The following RABGAP1L variants were observed in gnomAD, a reference collection of about 807,000 sequenced individuals.
RABGAP1L encodes RAB GTPase activating protein 1 like.
Under a neutral mutation model 137.7 loss-of-function variants are expected in RABGAP1L, and 63 were observed. The ratio of observed to expected loss-of-function variants is 0.46; its 90% CI spans 0.37 to 0.56. The LOEUF (loss-of-function observed/expected upper bound fraction) is 0.56. RABGAP1L is among the 20% of genes least tolerant of loss of function. The pLI is 0.00. For missense variants in RABGAP1L, 1,095 were observed against 1,244.0 expected (o/e 0.88, Z 1.80); for synonymous variants, 431 against 433.7 (o/e 0.99, Z 0.08).
chr1:174,398,471 A>G (rs555731380), intron 13 of RABGAP1L, among the ~76,000 whole-genome samples: 1 of 152,212 alleles, frequency 6.6e-6, no homozygotes, highest in South Asian at 2.1e-4. Context: ...ATTAACATAA[A>G]CTATCAGATG....
intron 17 of RABGAP1L, among the ~76,000 whole-genome samples, chr1:174,740,582 T>A (rs1683307455): frequency 6.6e-6 from 1 of 152,212 alleles, no homozygotes; most frequent in Non-Finnish European, 1.5e-5. Flanking sequence ...TTCTTTTTCT[T>A]TGAGTCGATT....
chr1:174,514,247 CAAAAAAAAAA>C (rs776487855), intron 13 of RABGAP1L, among the ~76,000 whole-genome samples: 5 of 81,066 alleles, frequency 6.2e-5, no homozygotes, highest in African/African-American at 2.2e-4. Context: ...TATTTTAAGC[CAAAAAAAAAA>C]AAAAAAAAAA....
At chr1:174,711,643 T>C (rs946973377) in intron 17 of RABGAP1L, among the ~76,000 whole-genome samples, 1 of 152,142 alleles carries the variant, frequency 6.6e-6, no homozygotes, top group African/African-American at 2.4e-5. Flanking sequence ...TAGGGCAGGG[T>C]TCGGGACCTG....
At chr1:174,300,099 TATC>T (rs1677525828) in intron 10 of RABGAP1L, among the ~76,000 whole-genome samples, 1 of 152,336 alleles carries the variant, frequency 6.6e-6, no homozygotes. Flanking sequence ...GAACATATAT[TATC>T]ATTATTCACA....
At chr1:174,412,197 G>C (rs1169354458) in intron 13 of RABGAP1L, among the ~76,000 whole-genome samples, 1 of 152,024 alleles carries the variant, frequency 6.6e-6, no homozygotes, top group Non-Finnish European at 1.5e-5. Context: ...TTGTTGAATT[G>C]AACTCTTTAT....
chr1:174,276,867 C>A (rs994887564), intron 9 of RABGAP1L, among the ~76,000 whole-genome samples: 3 of 151,354 alleles, frequency 2.0e-5, no homozygotes, highest in African/African-American at 7.3e-5. Context: ...TGTTTTTTGC[C>A]CCTTCATTAT....
chr1:174,547,774 A>G (rs1284626933), intron 13 of RABGAP1L: 3 of 1,318,792 alleles, frequency 2.3e-6, no homozygotes, highest in Non-Finnish European at 3.2e-6. Flanking sequence ...TTGACGTTAG[A>G]TGCATCAGTT....
chr1:174,611,909 T>A (rs922312754), intron 13 of RABGAP1L, among the ~76,000 whole-genome samples: 19 of 152,266 alleles, frequency 1.2e-4, no homozygotes, highest in East Asian at 3.9e-4. Context: ...TTGATTTTGT[T>A]TCCTGAGACT....
At position 174,909,633 on chromosome 1, in the gene RABGAP1L, G is replaced by A. The variant is rs1218381662; in HGVS notation, c.2341-47824G>A. On this transcript the variant is annotated intron_variant, in intron 19 of 25. Coordinates refer to ENST00000681986, the MANE Select transcript of RABGAP1L (RefSeq NM_001366446.1). ...GTGGTTTTTATGGAAAGTTAAAATCGAAACTTTAGCTAGACTGAGAAAAAA... is the reference window on the plus strand; with the variant it reads ...GTGGTTTTTATGGAAAGTTAAAATCAAAACTTTAGCTAGACTGAGAAAAAA... 2.0e-5 allele frequency among the ~76,000 whole-genome samples: 3 copies of A among 152,088 alleles called. No individual in the cohort carries two copies. In the East Asian group the frequency reaches 5.8e-4, roughly 29 times the overall value.
intron 13 of RABGAP1L, among the ~76,000 whole-genome samples, chr1:174,557,573 A>T (rs2148006764): frequency 6.6e-6 from 1 of 152,228 alleles, no homozygotes; most frequent in East Asian, 1.9e-4. Context: ...CATATCAGAG[A>T]CTGTACCTGA....
At chr1:174,293,537 A>G (rs1310157488) in intron 10 of RABGAP1L, among the ~76,000 whole-genome samples, 1 of 152,184 alleles carries the variant, frequency 6.6e-6, no homozygotes, top group Admixed American at 6.5e-5. Flanking sequence ...ATAGGTCATA[A>G]TAACTTTTAC....
intron 17 of RABGAP1L, among the ~76,000 whole-genome samples, chr1:174,745,561 T>C (rs927053465): frequency 6.6e-6 from 1 of 152,228 alleles, no homozygotes; most frequent in Non-Finnish European, 1.5e-5. Flanking sequence ...ACCTGAGTTA[T>C]AGCCTGGCTT....
chr1:174,950,754 G>A (rs1573975454), intron 19 of RABGAP1L, among the ~76,000 whole-genome samples: 1 of 152,110 alleles, frequency 6.6e-6, no homozygotes, highest in Non-Finnish European at 1.5e-5. Context: ...TCTGAAGTGA[G>A]CAAGAGTAGC....
chr1:174,674,610 G>C (rs968656340), intron 14 of RABGAP1L, among the ~76,000 whole-genome samples: 1 of 150,734 alleles, frequency 6.6e-6, no homozygotes, highest in Non-Finnish European at 1.5e-5. Flanking sequence ...CCCAGTAATG[G>C]GATGGCTGGG....
chr1:174,182,233 G>A (rs1169501013), intron 1 of RABGAP1L, among the ~76,000 whole-genome samples: 3 of 151,620 alleles, frequency 2.0e-5, no homozygotes, highest in Non-Finnish European at 2.9e-5. Context: ...GAGGAGATTC[G>A]GGGAAAAAAA....
At chr1:174,770,148 T>C (rs1686004932) in intron 18 of RABGAP1L, among the ~76,000 whole-genome samples, 1 of 152,244 alleles carries the variant, frequency 6.6e-6, no homozygotes, top group African/African-American at 2.4e-5. Flanking sequence ...ATGCCTATTG[T>C]CCTGTTGGTG....
intron 14 of RABGAP1L, among the ~76,000 whole-genome samples, chr1:174,653,462 CATGGGAAAAGTGTCAT>C (rs1476517656): frequency 2.6e-5 from 4 of 152,170 alleles, no homozygotes; most frequent in Admixed American, 1.3e-4. Flanking sequence ...TTGCAAAGAC[CATGGGAAAAGTGTCAT>C]ATCTGGGCCA....
At chr1:174,300,363 T>C (rs756248921) in intron 10 of RABGAP1L, among the ~76,000 whole-genome samples, 6 of 151,286 alleles carry the variant, frequency 4.0e-5, no homozygotes, top group Non-Finnish European at 8.8e-5. Flanking sequence ...CCATCTCTAC[T>C]AAAAATACAA....
At chr1:174,332,946 GAA>G (rs1363454619) in intron 11 of RABGAP1L, among the ~76,000 whole-genome samples, 1 of 152,156 alleles carries the variant, frequency 6.6e-6, no homozygotes, top group Non-Finnish European at 1.5e-5. Flanking sequence ...AATGGATAAA[GAA>G]AATGTATTAT....
Sources: gnomAD v4.1 joint callset for allele counts (sites outside exome capture counted in the v4.1 genomes callset) on GRCh38, gnomAD v4.1.1 for gene constraint, MANE v1.5 for transcripts, NCBI Gene and HGNC (gene_info 2026-07-23, HGNC 2026-07-21) for gene names.